The following SEC61A2 variants were observed in gnomAD, a reference collection of about 807,000 sequenced individuals.
SEC61A2 encodes protein transport protein Sec61 subunit alpha isoform 2.
Under a neutral mutation model 59.9 loss-of-function variants are expected in SEC61A2, and 28 were observed. The observed-to-expected ratio is 0.47, with a 90% CI of 0.35 to 0.64. The LOEUF (loss-of-function observed/expected upper bound fraction) is 0.64. Ranked by LOEUF, SEC61A2 falls within the 30% of genes least tolerant of loss-of-function variation. The pLI is 0.01. For synonymous variants in SEC61A2, 202 were observed against 214.4 expected, an observed-to-expected ratio of 0.94 and a Z score of 0.50; for missense variants, 340 against 585.9, an observed-to-expected ratio of 0.58 and a Z score of 4.33.
intron 3 of SEC61A2, among the ~76,000 whole-genome samples, chr10:12,136,742 G>T (rs779852280): frequency 1.4e-4 from 22 of 152,160 alleles, no homozygotes; most frequent in Non-Finnish European, 2.8e-4. Flanking sequence ...TGATTCTCCT[G>T]CCTCAGCCTC....
intron 4 of SEC61A2, among the ~76,000 whole-genome samples, chr10:12,148,396 C>A (rs1259283097): frequency 1.3e-5 from 2 of 151,890 alleles, no homozygotes; most frequent in Non-Finnish European, 2.9e-5. Flanking sequence ...CAGGCATGCA[C>A]CATCATGCCC....
intron 2 of SEC61A2, among the ~76,000 whole-genome samples, chr10:12,134,192 A>G (rs891967750): frequency 6.6e-6 from 1 of 152,172 alleles, no homozygotes; most frequent in African/African-American, 2.4e-5. Flanking sequence ...TATTTTTAGT[A>G]GAGACGGGGT....
chr10:12,134,344 G>C (rs971133894), intron 2 of SEC61A2, among the ~76,000 whole-genome samples: 1 of 151,770 alleles, frequency 6.6e-6, no homozygotes, highest in Non-Finnish European at 1.5e-5. Flanking sequence ...AAAAATAGTT[G>C]TTCCATTAAC....
At chr10:12,130,486 G>C (rs1237887276) in intron 1 of SEC61A2, among the ~76,000 whole-genome samples, 1 of 152,148 alleles carries the variant, frequency 6.6e-6, no homozygotes, top group African/African-American at 2.4e-5. Flanking sequence ...GGACATTTGG[G>C]GGAAATTAGA....
intron 1 of SEC61A2, chr10:12,130,880 C>T (rs935529215): frequency 2.0e-5 from 3 of 152,234 alleles, no homozygotes; most frequent in Non-Finnish European, 2.9e-5. Flanking sequence ...TTCTGTCAAA[C>T]ATCAGTGACT....
chr10:12,164,757 T>C lies in SEC61A2; in HGVS notation c.*303T>C. ...ACAGTGAGACGGTGAGATGGATTCG[T>C]TTTGCACACAACATTCAAAACACTT... On this transcript the variant is annotated 3_prime_UTR_variant, in exon 12 of 12. Transcript: ENST00000298428. The surrounding 1 kb of genome is among the most constrained non-coding windows in gnomAD (Gnocchi z 7.3). 8.8e-7 allele frequency: 1 copy of C among 1,130,700 alleles called. No homozygotes were observed. The highest frequency in any genetic ancestry group is 1.1e-6 in the Non-Finnish European group (1 of 922,620). The allele number at this position is 1,130,700 out of a possible 1,614,324, so 70.0% of individuals were successfully genotyped here.
At chr10:12,169,511 C>T (rs897932055), downstream of SEC61A2, 42 of 530,476 alleles carry the variant, frequency 7.9e-5, no homozygotes, top group Admixed American at 1.4e-4. This position sits in a 1 kb window ranked among gnomAD's most constrained non-coding sequence, Gnocchi z 4.8. Flanking sequence ...CCTGTGACTC[C>T]GAGCTGCGCT....
chr10:12,154,793 C>A lies in SEC61A2; in HGVS notation c.463-985C>A, dbSNP rs1264588751. Among the ~76,000 whole-genome samples the A allele has an allele frequency of 3.9e-5, 6 of 152,134 alleles. No homozygotes were observed. The highest frequency in any genetic ancestry group is 1.2e-4 in the African/African-American group (5 of 41,434). ...GTCTCATGTGGTTACTTTGGTCGCTCTTCCAGCAGGTGATATTGGATAAAG... is the reference window on the plus strand; with the variant it reads ...GTCTCATGTGGTTACTTTGGTCGCTATTCCAGCAGGTGATATTGGATAAAG... On this transcript the variant is annotated intron_variant, in intron 6 of 11. Coordinates refer to ENST00000298428, the MANE Select transcript of SEC61A2 (RefSeq NM_018144.4). This position sits in a 1 kb window ranked among gnomAD's most constrained non-coding sequence, Gnocchi z 5.2.
downstream of SEC61A2, chr10:12,166,625 C>G: frequency 2.3e-6 from 1 of 426,354 alleles, no homozygotes. Flanking sequence ...TTCTCAGGGC[C>G]TGGCTTACCC....
rs1234609395 is a variant in SEC61A2 at position 12,153,920 on chromosome 10, C to T, written c.463-1858C>T. 7.7e-6 allele frequency: 8 copies of T among 1,041,304 alleles called. No homozygotes were observed. Among genetic ancestry groups the T allele is most frequent in the Non-Finnish European group, 9.3e-6 (7 of 751,810 alleles). 64.5% of individuals were successfully genotyped at this position (1,041,304 alleles called of 1,614,324 possible). A position where few individuals can be genotyped will look rare whatever the true frequency, so the allele number is the denominator to read the frequency against. ...TTCAGCTAGTGAGTTTAGAAATCTA[C>T]ATAGCAGGTCTTGACTAAAAATTTT... On this transcript the variant is annotated intron_variant, in intron 6 of 11. Transcript: ENST00000298428. This position sits in a 1 kb window ranked among gnomAD's most constrained non-coding sequence, Gnocchi z 5.2.
intron 3 of SEC61A2, among the ~76,000 whole-genome samples, chr10:12,138,684 G>A (rs10906084): frequency 0.068 from 10,341 of 152,170 alleles, 793 homozygotes; most frequent in African/African-American, 0.18. Flanking sequence ...TCATATGGTC[G>A]TTACGTCAGT....
At position 12,154,877 on chromosome 10, in the gene SEC61A2, A is replaced by G. The variant is rs556087433; in HGVS notation, c.463-901A>G. On this transcript the variant is annotated intron_variant, in intron 6 of 11. Coordinates refer to ENST00000298428, the MANE Select transcript of SEC61A2 (RefSeq NM_018144.4). The surrounding 1 kb of genome is among the most constrained non-coding windows in gnomAD (Gnocchi z 5.2). ...TGGGAGGAATGGAAGTGACTTCCTC[A>G]CTTCTGCCGGAGGGTGTCTTTAAAG... 6.6e-6 allele frequency among the ~76,000 whole-genome samples: 1 copy of G among 152,236 alleles called. No homozygotes were observed. Among genetic ancestry groups the G allele is most frequent in the Admixed American group, 6.5e-5 (1 of 15,282 alleles).
At chr10:12,165,836 G>A (rs1834666433), downstream of SEC61A2, 1 of 152,216 alleles carries the variant, frequency 6.6e-6, no homozygotes, top group South Asian at 2.1e-4. Context: ...GATAGTGACA[G>A]TGGCTCGGTG....
chr10:12,157,691 T>C lies in SEC61A2; in HGVS notation c.778-217T>C, dbSNP rs971864459. Among the ~76,000 whole-genome samples the C allele has an allele frequency of 2.6e-5, 4 of 152,114 alleles. No individual in the cohort carries two copies. The East Asian group carries it at 7.7e-4, about 29-fold the overall frequency. On this transcript the variant is annotated intron_variant, in intron 8 of 11. Coordinates refer to ENST00000298428, the MANE Select transcript of SEC61A2 (RefSeq NM_018144.4). ...CTAATTTTTTGTATTTTAGTAGAGA[T>C]GAGATTTCACCACGTTGGCCAGGAT...
chr10:12,139,209 GC>G (rs2131650793), intron 3 of SEC61A2, among the ~76,000 whole-genome samples: 1 of 151,900 alleles, frequency 6.6e-6, no homozygotes, highest in African/African-American at 2.4e-5. Context: ...TGATCTGCCT[GC>G]CTCAGCCTCC....
rs1338138932 is a variant in SEC61A2, at chr10:12,165,329, G to GT, written c.*876dup. ...TTGTACTCACAGCAGCAACATGAGT[G>GT]TAAACAGTAGACAATAAACTTTTAT... On this transcript the variant is annotated 3_prime_UTR_variant, in exon 12 of 12. Transcript: ENST00000298428. The GT allele has an allele frequency of 1.0e-6, 1 of 982,930 alleles. No individual in the cohort carries two copies. The highest frequency in any genetic ancestry group is 6.1e-5 in the Admixed American group (1 of 16,268). The allele number at this position is 982,930 out of a possible 1,614,324, so 60.9% of individuals were successfully genotyped here. A position where few individuals can be genotyped will look rare whatever the true frequency, so the allele number is the denominator to read the frequency against.
rs1247096293 is a variant in SEC61A2 at position 12,142,499 on chromosome 10, T to C, written c.142-618T>C. 2.0e-6 allele frequency: 2 copies of C among 981,246 alleles called. No individual in the cohort carries two copies. The highest frequency in any genetic ancestry group is 2.4e-6 in the Non-Finnish European group (2 of 826,188). 60.8% of individuals were successfully genotyped at this position (981,246 alleles called of 1,614,324 possible). On this transcript the variant is annotated intron_variant, in intron 3 of 11. Transcript: ENST00000298428. The surrounding 1 kb of genome is among the most constrained non-coding windows in gnomAD (Gnocchi z 5.4). The stretch of plus-strand genomic sequence containing the variant: ...TGTGGATATCATCTTCAGTCTTACA[T>C]TGAGAAGAGTGACCTTGGCTGTCTT...
chr10:12,131,759 G>A (rs1833744313), intron 1 of SEC61A2, among the ~76,000 whole-genome samples: 2 of 129,048 alleles, frequency 1.5e-5, no homozygotes, highest in South Asian at 5.2e-4. Flanking sequence ...GGCTCCATCC[G>A]GGCTTACTGC....
chr10:12,153,636 C>A lies in SEC61A2; in HGVS notation c.463-2142C>A, dbSNP rs1834331235. 1.6e-6 allele frequency: 2 copies of A among 1,282,554 alleles called. No homozygotes were observed. The highest frequency in any genetic ancestry group is 1.5e-5 in the South Asian group (1 of 65,668). The allele number at this position is 1,282,554 out of a possible 1,614,324, so 79.4% of individuals were successfully genotyped here. A position where few individuals can be genotyped will look rare whatever the true frequency, so the allele number is the denominator to read the frequency against. ...TGATTCATTTACATGAATTCTGATA[C>A]ACAAATATGCGTGTTATGGCTAATT... On this transcript the variant is annotated intron_variant, in intron 6 of 11. Coordinates refer to ENST00000298428, the MANE Select transcript of SEC61A2 (RefSeq NM_018144.4). The surrounding 1 kb of genome is among the most constrained non-coding windows in gnomAD (Gnocchi z 5.2).
Sources: gnomAD v4.1 joint callset for allele counts (sites outside exome capture counted in the v4.1 genomes callset) on GRCh38, gnomAD v4.1.1 for gene constraint, Gnocchi (gnomAD v3.1) non-coding constraint, MANE v1.5 for transcripts, NCBI Gene and HGNC (gene_info 2026-07-23, HGNC 2026-07-21) for gene names.